Variants in SEC24A observed in about 807,000 individuals in gnomAD.
SEC24A encodes protein transport protein Sec24A.
In SEC24A, 93 loss-of-function variants were observed where a neutral mutation model predicts 129.4. The ratio of observed to expected loss-of-function variants is 0.72; its 90% CI spans 0.61 to 0.85. SEC24A has a LOEUF of 0.85. SEC24A is among the 40% of genes least tolerant of loss of function. The pLI is 0.00. For missense variants in SEC24A, 1,264 were observed against 1,307.4 expected (o/e 0.97, Z 0.51); for synonymous variants, 460 against 467.3 (o/e 0.98, Z 0.20).
intron 12 of SEC24A, 43 bp from the exon 13 acceptor site, chr5:134,693,684 A>C (rs1402931818): frequency 7.5e-6 from 12 of 1,600,396 alleles, no homozygotes; most frequent in Non-Finnish European, 1.0e-5. Flanking sequence ...GTGAAATAAA[A>C]TTTTAATTAT....
intron 15 of SEC24A, among the ~76,000 whole-genome samples, chr5:134,702,877 G>T (rs748526761): frequency 2.6e-5 from 4 of 151,936 alleles, no homozygotes; most frequent in Non-Finnish European, 4.4e-5. Flanking sequence ...CGATTCTCCT[G>T]CCTCAACCTC....
chr5:134,650,862 C>T (rs994318764), intron 1 of SEC24A, among the ~76,000 whole-genome samples: 3 of 151,314 alleles, frequency 2.0e-5, no homozygotes, highest in Non-Finnish European at 4.4e-5. Context: ...GCAACCTCCT[C>T]CTCCCAGGTT....
chr5:134,709,913 T>C (rs2150108513), intron 18 of SEC24A, among the ~76,000 whole-genome samples: 1 of 152,294 alleles, frequency 6.6e-6, no homozygotes, highest in African/African-American at 2.4e-5. Context: ...TCTCTTTTCT[T>C]TTTTGAGACA....
chr5:134,675,340 G>T (rs1351086180), intron 6 of SEC24A, 123 bp downstream of exon 6: 4 of 698,036 alleles, frequency 5.7e-6, no homozygotes, highest in Non-Finnish European at 9.2e-6. Flanking sequence ...GGATACAGAT[G>T]ATAGAACTCT....
At position 134,666,984 on chromosome 5, in the gene SEC24A, G is replaced by C. The variant is rs1465394305; in HGVS notation, c.727G>C (p.Val243Leu). The change falls in exon 3 of 23, where the codon GTC becomes CTC. Residue 243 changes from valine (V) to leucine (L), a missense_variant. Transcript: ENST00000398844. Reference sequence around the variant, plus strand: ...ACCCCAGCCCTTATTTAATTCAGCTGTCAACCAAGAAGGTAAGTGAACCAA... The same window carrying C: ...ACCCCAGCCCTTATTTAATTCAGCTCTCAACCAAGAAGGTAAGTGAACCAA... The part of the protein sequence containing the change: ...DVPQPLFNSA[V>L]NQEGITSNTN... 2.6e-6 allele frequency: 4 copies of C among 1,566,916 alleles called. No homozygotes were observed. In the African/African-American group the frequency reaches 4.2e-5, roughly 16 times the overall value.
chr5:134,651,215 C>T (rs928819005), intron 1 of SEC24A, among the ~76,000 whole-genome samples: 6 of 149,792 alleles, frequency 4.0e-5, no homozygotes, highest in Admixed American at 4.0e-4. Flanking sequence ...CCTCAGCCTC[C>T]CCAGTAGCTA....
At chr5:134,720,590 C>T (rs1752601876) in intron 20 of SEC24A, among the ~76,000 whole-genome samples, 1 of 152,084 alleles carries the variant, frequency 6.6e-6, no homozygotes, top group South Asian at 2.1e-4. Context: ...ACTAAATATA[C>T]TTACCTTTTT....
rs180782592 is a variant in SEC24A, at chr5:134,717,014, G to C, written c.2866-1055G>C. 3.9e-3 allele frequency among the ~76,000 whole-genome samples: 594 copies of C among 150,856 alleles called. 13 individuals are homozygous for C. The highest frequency in any genetic ancestry group is 0.037 in the Admixed American group (556 of 15,144). On this transcript the variant is annotated intron_variant, in intron 19 of 22. Coordinates refer to ENST00000398844, the MANE Select transcript of SEC24A (RefSeq NM_021982.3). The stretch of plus-strand genomic sequence containing the variant: ...CCTGCCTCAGCCTCCCGAGTAGCTG[G>C]GATTACAGGCGTGCACCACCACATC...
chr5:134,669,072 A>C (rs1750764847), intron 3 of SEC24A, among the ~76,000 whole-genome samples: 1 of 151,414 alleles, frequency 6.6e-6, no homozygotes, highest in South Asian at 2.1e-4. Flanking sequence ...ACTCAGTCTC[A>C]AAAAAAAGAG....
chr5:134,682,259 A>G, intron 8 of SEC24A, 114 bp from the exon 9 acceptor site: 1 of 580,086 alleles, frequency 1.7e-6, no homozygotes, highest in Non-Finnish European at 3.0e-6. Flanking sequence ...AAAAAAGAAA[A>G]TAATTGACAT....
At position 134,693,874 on chromosome 5, in the gene SEC24A, A is replaced by C. The variant is rs1337497101; in HGVS notation, c.1927A>C (p.Thr643Pro). The change falls in exon 13 of 23, where the codon ACT becomes CCT. Residue 643 changes from threonine to proline, a missense_variant. By Grantham distance (38) the Thr-to-Pro change is conservative (BLOSUM62 -1). Transcript: ENST00000398844. ...RMSVFQTQLP[T>P]LGVGALKPRE... ...GTCTGTCTTTCAAACACAACTCCCA[A>C]CTCTTGGAGTGGGAGCCCTGAAACC... 1.9e-6 allele frequency: 3 copies of C among 1,613,592 alleles called. No individual in the cohort carries two copies. Among genetic ancestry groups the C allele is most frequent in the Non-Finnish European group, 2.5e-6 (3 of 1,179,892 alleles).
intron 13 of SEC24A, among the ~76,000 whole-genome samples, chr5:134,696,495 A>T (rs1402825632): frequency 6.6e-6 from 1 of 152,062 alleles, no homozygotes; most frequent in Non-Finnish European, 1.5e-5. Context: ...GAAAATTTTT[A>T]AAAAACATAT....
Position 134,696,737 on chromosome 5 carries a change from A to G in SEC24A, c.1987-389A>G, listed in dbSNP as rs1423486600. On this transcript the variant is annotated intron_variant, in intron 13 of 22. Transcript: ENST00000398844. ...ATGGTCTCGATCTCCGGCCCTCGTG[A>G]TCCACCCACCTCGGCCTCCCAAAGT... Among the ~76,000 whole-genome samples, 4 of 151,322 alleles carry G rather than the reference A, an allele frequency of 2.6e-5. No individual in the cohort carries two copies. The South Asian group carries it at 6.3e-4, about 24-fold the overall frequency.
chr5:134,726,122 T>C lies in SEC24A; in HGVS notation c.*1028T>C, dbSNP rs1047534036. On this transcript the variant is annotated 3_prime_UTR_variant, in exon 23 of 23. Transcript: ENST00000398844. The stretch of plus-strand genomic sequence containing the variant: ...GCATAAATGCTGCTGTTTGATTTGG[T>C]GGATATTAAGATTATACACATCCAA... 6.6e-6 allele frequency: 1 copy of C among 152,528 alleles called. No individual in the cohort carries two copies. The highest frequency in any genetic ancestry group is 2.4e-5 in the African/African-American group (1 of 41,456). 9.4% of individuals were successfully genotyped at this position (152,528 alleles called of 1,614,324 possible).
At chr5:134,705,287 A>G (rs757407005) in intron 16 of SEC24A, 40 bp from the exon 17 acceptor site, 19 of 1,444,928 alleles carry the variant, frequency 1.3e-5, no homozygotes, top group East Asian at 2.3e-5. Context: ...TTTGTTTTAT[A>G]TAGTTGCCCC....
Position 134,725,815 on chromosome 5 carries a change from A to G in SEC24A, c.*721A>G, listed in dbSNP as rs1752745542. On this transcript the variant is annotated 3_prime_UTR_variant, in exon 23 of 23. Transcript: ENST00000398844. ...AGTTGGACATACTGTCTTAATCTAT[A>G]GTGAAAAGAATTTGAGCTGTCTTCA... 2 of 152,556 alleles carry G rather than the reference A, an allele frequency of 1.3e-5. No homozygotes were observed. Among genetic ancestry groups the G allele is most frequent in the South Asian group, 2.1e-4 (1 of 4,838 alleles). The allele number at this position is 152,556 out of a possible 1,614,324, so 9.5% of individuals were successfully genotyped here. A position where few individuals can be genotyped will look rare whatever the true frequency, so the allele number is the denominator to read the frequency against.
Position 134,703,944 on chromosome 5 carries a change from GT to G in SEC24A, c.2440+21del, listed in dbSNP as rs201628606. The stretch of plus-strand genomic sequence containing the variant: ...TACATCCAGCAAAGGTAAATTGTTT[GT>G]TTTTTTTTGGATTTCAAATGTTCAA... On this transcript the variant is annotated intron_variant, in intron 16 of 22. Transcript: ENST00000398844. 1.5e-4 allele frequency: 221 copies of G among 1,491,036 alleles called. No individual in the cohort carries two copies. Among genetic ancestry groups the G allele is most frequent in the Admixed American group, 3.3e-4 (16 of 47,862 alleles). 92.4% of individuals were successfully genotyped at this position (1,491,036 alleles called of 1,614,324 possible). A position where few individuals can be genotyped will look rare whatever the true frequency, so the allele number is the denominator to read the frequency against.
intron 16 of SEC24A, among the ~76,000 whole-genome samples, chr5:134,705,090 A>ATATATATATATATATTTTTTT (rs1180461537): frequency 8.1e-6 from 1 of 123,304 alleles, no homozygotes; most frequent in African/African-American, 3.0e-5. Flanking sequence ...ATATATATAT[A>ATATATATATATATATTTTTTT]TTTTTTTTTT....
At chr5:134,654,883 AT>A (rs1404035284) in intron 1 of SEC24A, among the ~76,000 whole-genome samples, 1 of 151,806 alleles carries the variant, frequency 6.6e-6, no homozygotes, top group Non-Finnish European at 1.5e-5. Flanking sequence ...TGCTTGTCTA[AT>A]TTTTTTGTGT....
Sources: gnomAD v4.1 joint callset for allele counts (sites outside exome capture counted in the v4.1 genomes callset) on GRCh38, gnomAD v4.1.1 for gene constraint, MANE v1.5 for transcripts, NCBI Gene and HGNC (gene_info 2026-07-23, HGNC 2026-07-21) for gene names.